The following ZNF106 variants were observed in gnomAD, a reference collection of about 807,000 sequenced individuals.
The protein encoded by ZNF106 is SH3-domain binding protein 3.
In ZNF106, 67 loss-of-function variants were observed where a neutral mutation model predicts 195.1. The ratio of observed to expected loss-of-function variants is 0.34; its 90% CI spans 0.28 to 0.42. ZNF106 has a LOEUF of 0.42. Among genes scored for constraint, ZNF106 ranks in the 10% least tolerant of loss-of-function variants. The pLI is 1.00. For missense variants in ZNF106, 2,118 were observed against 2,304.5 expected (o/e 0.92, Z 1.66); for synonymous variants, 784 against 818.6 (o/e 0.96, Z 0.72).
chr15:42,440,976 CTCTG>C (rs1277383744), intron 10 of ZNF106, among the ~76,000 whole-genome samples: 1 of 86,134 alleles, frequency 1.2e-5, no homozygotes, highest in South Asian at 4.0e-4. Context: ...AAAAGCGAAA[CTCTG>C]TCTAAAAAAA....
chr15:42,446,530 C>A (rs990235945), intron 7 of ZNF106, 59 bp downstream of exon 7: 2 of 1,391,160 alleles, frequency 1.4e-6, no homozygotes, highest in African/African-American at 1.5e-5. Context: ...AAAACCCGCA[C>A]CCCCCAAAAA....
In ZNF106 at chr15:42,419,023, C is replaced by T. The variant is rs141052989; in HGVS notation, c.5518-1072G>A. Among the ~76,000 whole-genome samples, 1,244 of 142,462 alleles carry T rather than the reference C, an allele frequency of 8.7e-3. 22 individuals carry two copies. Among genetic ancestry groups the T allele is most frequent in the African/African-American group, 0.031 (1,182 of 37,686 alleles). The allele number at this position is 142,462 out of a possible 152,430, so 93.5% of individuals were successfully genotyped here. A position where few individuals can be genotyped will look rare whatever the true frequency, so the allele number is the denominator to read the frequency against. ...GGTGGTTCACTTCAGCCCAGGAGCT[C>T]GAGACCAGCCTGGGCAACATAGTGA... On this transcript the variant is annotated intron_variant, in intron 20 of 21. Coordinates refer to ENST00000564754, the MANE Select transcript of ZNF106 (RefSeq NM_001366845.3).
intron 1 of ZNF106, among the ~76,000 whole-genome samples, chr15:42,475,404 T>C (rs900694415): frequency 2.0e-5 from 3 of 152,118 alleles, no homozygotes; most frequent in Non-Finnish European, 4.4e-5. Context: ...ATGACGCCCC[T>C]GCACTCTAGC....
chr15:42,422,471 T>C (rs1213029421), intron 18 of ZNF106, 30 bp downstream of exon 18: 20 of 1,606,982 alleles, frequency 1.2e-5, no homozygotes, highest in Non-Finnish European at 1.7e-5. Context: ...CCCCAAATCA[T>C]TCAAGCAAAA....
intron 4 of ZNF106, among the ~76,000 whole-genome samples, chr15:42,452,290 A>G (rs1378649170): frequency 1.3e-5 from 2 of 152,052 alleles, no homozygotes; most frequent in African/African-American, 4.8e-5. Flanking sequence ...TGGGAGGCCG[A>G]GGCGGGCAGT....
At chr15:42,464,112 C>A (rs149658025) in intron 3 of ZNF106, among the ~76,000 whole-genome samples, 3 of 147,622 alleles carry the variant, frequency 2.0e-5, no homozygotes, top group African/African-American at 4.9e-5. Context: ...GAGGCCGAGG[C>A]GGGCAGATCA....
intron 5 of ZNF106, among the ~76,000 whole-genome samples, chr15:42,449,235 GA>G (rs2055890703): frequency 6.6e-6 from 1 of 152,140 alleles, no homozygotes; most frequent in South Asian, 2.1e-4. Flanking sequence ...TTAGCATTCA[GA>G]AAAGTCTAGT....
intron 15 of ZNF106, among the ~76,000 whole-genome samples, chr15:42,426,146 C>T (rs1279140421): frequency 6.6e-6 from 1 of 152,088 alleles, no homozygotes; most frequent in African/African-American, 2.4e-5. Flanking sequence ...GTGGACCGGC[C>T]CTGGTAAACA....
intron 9 of ZNF106, 90 bp downstream of exon 9, chr15:42,444,112 C>CAAAAA: frequency 1.2e-4 from 30 of 246,674 alleles, no homozygotes; most frequent in South Asian, 1.8e-4. Flanking sequence ...ACTCTGTCTC[C>CAAAAA]AAAAAAAAAA....
At chr15:42,481,404 C>T (rs1402453536) in intron 1 of ZNF106, among the ~76,000 whole-genome samples, 1 of 138,424 alleles carries the variant, frequency 7.2e-6, no homozygotes, top group Non-Finnish European at 1.5e-5. Context: ...GTCACCCAGG[C>T]TGGAGTGCAG....
chr15:42,478,922 G>C (rs1010384335), intron 1 of ZNF106, among the ~76,000 whole-genome samples: 1 of 152,116 alleles, frequency 6.6e-6, no homozygotes, highest in Admixed American at 6.6e-5. Context: ...GGCCATGACA[G>C]TTATCCCACA....
chr15:42,471,705 T>C (rs530790331), intron 2 of ZNF106, among the ~76,000 whole-genome samples: 2 of 152,290 alleles, frequency 1.3e-5, no homozygotes, highest in South Asian at 2.1e-4. Context: ...CACTCCAGCA[T>C]AGGCAACACA....
chr15:42,480,449 G>A (rs1056107255), intron 1 of ZNF106, among the ~76,000 whole-genome samples: 3 of 152,088 alleles, frequency 2.0e-5, no homozygotes, highest in Non-Finnish European at 4.4e-5. Context: ...TTAAATCAGT[G>A]TATATTTCAT....
intron 4 of ZNF106, among the ~76,000 whole-genome samples, chr15:42,456,548 A>C (rs1394926651): frequency 6.6e-6 from 1 of 152,014 alleles, no homozygotes; most frequent in Admixed American, 6.6e-5. Context: ...GCTACTCAGG[A>C]GGCTGAGGCA....
At chr15:42,462,104 T>G (rs1026532992) in intron 3 of ZNF106, among the ~76,000 whole-genome samples, 5 of 152,214 alleles carry the variant, frequency 3.3e-5, no homozygotes, top group African/African-American at 1.2e-4. Flanking sequence ...AAACCTGACA[T>G]TCCCATTGGC....
At chr15:42,418,532 ATTTTTTTT>A (rs1162999546) in intron 20 of ZNF106, among the ~76,000 whole-genome samples, 18 of 96,228 alleles carry the variant, frequency 1.9e-4, no homozygotes, top group African/African-American at 2.6e-4. Flanking sequence ...CGGCCAGTTA[ATTTTTTTT>A]TTTTTTTTTT....
chr15:42,428,839 C>CT (rs2054950136), intron 14 of ZNF106, among the ~76,000 whole-genome samples: 1 of 151,998 alleles, frequency 6.6e-6, no homozygotes. Context: ...TCTCGGCTCA[C>CT]TGCAAGCTCC....
chr15:42,418,621 C>T (rs1396717491), intron 20 of ZNF106, among the ~76,000 whole-genome samples: 19 of 148,928 alleles, frequency 1.3e-4, no homozygotes, highest in African/African-American at 4.2e-4. Flanking sequence ...TCAAGTGATC[C>T]GCCCATCTTG....
intron 1 of ZNF106, among the ~76,000 whole-genome samples, chr15:42,483,350 C>T (rs552766039): frequency 3.1e-4 from 47 of 152,312 alleles, no homozygotes; most frequent in Non-Finnish European, 4.4e-5. Context: ...CCAAGCAATG[C>T]TCAAGCGGGA....
Sources: allele counts gnomAD v4.1 joint callset (sites outside exome capture counted in the v4.1 genomes callset), GRCh38; gene constraint gnomAD v4.1.1; transcripts MANE v1.5; gene names NCBI Gene and HGNC (gene_info 2026-07-23, HGNC 2026-07-21).